PTK2: variants seen among roughly 807,000 people sequenced by gnomAD.
PTK2 encodes protein tyrosine kinase 2.
PTK2 carries 45 observed loss-of-function variants against 150.1 expected under a neutral mutation model. That is an observed-to-expected ratio of 0.30 (90% CI 0.24 to 0.38). The LOEUF (loss-of-function observed/expected upper bound fraction) is 0.38, where lower values mean the gene tolerates loss of function less well. Among genes scored for constraint, PTK2 ranks in the 10% least tolerant of loss-of-function variants. The pLI is 1.00. For missense variants in PTK2, 919 were observed against 1,307.3 expected, an observed-to-expected ratio of 0.70 and a Z score of 4.58; for synonymous variants, 432 against 449.2, an observed-to-expected ratio of 0.96 and a Z score of 0.48.
At chr8:140,734,318 C>T (rs1315688659) in intron 22 of PTK2, among the ~76,000 whole-genome samples, 1 of 152,176 alleles carries the variant, frequency 6.6e-6, no homozygotes. Flanking sequence ...CTTCTCATGC[C>T]TATGTGTTAT....
intron 26 of PTK2, among the ~76,000 whole-genome samples, chr8:140,700,321 C>T (rs2100029469): frequency 6.6e-6 from 1 of 151,978 alleles, no homozygotes; most frequent in Non-Finnish European, 1.5e-5. Flanking sequence ...GTGTGAGCCA[C>T]AATGCCTGGC....
intron 23 of PTK2, 127 bp downstream of exon 26, chr8:140,717,471 G>A (rs2100040373): frequency 1.4e-6 from 1 of 694,820 alleles, no homozygotes; most frequent in Non-Finnish European, 2.5e-6. Flanking sequence ...CAATTAGTTG[G>A]TGTTATAACT....
intron 1 of PTK2, among the ~76,000 whole-genome samples, chr8:140,952,519 G>A (rs1381981513): frequency 3.3e-5 from 5 of 152,060 alleles, no homozygotes; most frequent in Non-Finnish European, 7.4e-5. Context: ...ATAGATTTGG[G>A]GGAGAAAAGA....
intron 7 of PTK2, among the ~76,000 whole-genome samples, chr8:140,840,001 A>G (rs2100121329): frequency 1.3e-5 from 2 of 152,184 alleles, no homozygotes; most frequent in South Asian, 4.1e-4. Flanking sequence ...GAAAAAAACA[A>G]TGAGCAGAAC....
At chr8:140,946,924 T>C (rs1370709726) in intron 1 of PTK2, among the ~76,000 whole-genome samples, 3 of 152,190 alleles carry the variant, frequency 2.0e-5, no homozygotes, top group Admixed American at 6.5e-5. Flanking sequence ...AACCAATCTT[T>C]GACCAATATT....
chr8:140,856,133 C>T lies in PTK2; in HGVS notation c.450+8179G>A, dbSNP rs1440666510. 3.3e-5 allele frequency among the ~76,000 whole-genome samples: 5 copies of T among 152,120 alleles called. No homozygotes were observed. In the East Asian group the frequency reaches 5.8e-4, roughly 18 times the overall value. ...AGAGAAGTGAACATAAAAACCACCA[C>T]GATTCAACCACATACCCACCTAGTC... On this transcript the variant is annotated intron_variant, in intron 5 of 31. Coordinates refer to ENST00000522684, the Ensembl canonical transcript of PTK2.
chr8:140,732,923 G>A (rs1033609979), intron 22 of PTK2, among the ~76,000 whole-genome samples: 3 of 152,168 alleles, frequency 2.0e-5, no homozygotes, highest in Admixed American at 2.0e-4. Context: ...GCTGACAGGA[G>A]GGTTAGTTTA....
chr8:140,998,478 T>C (rs185747577), intron 1 of PTK2, among the ~76,000 whole-genome samples: 6 of 152,168 alleles, frequency 3.9e-5, no homozygotes, highest in Middle Eastern at 3.4e-3. Flanking sequence ...AATAATTTCA[T>C]CTACAGGACC....
At chr8:140,737,393 G>A (rs540652476) in intron 21 of PTK2, among the ~76,000 whole-genome samples, 8 of 152,192 alleles carry the variant, frequency 5.3e-5, no homozygotes, top group South Asian at 2.1e-4. Flanking sequence ...ATGAGCCACC[G>A]TGCCCAGTCT....
chr8:140,863,115 G>C (rs926825248), intron 5 of PTK2, among the ~76,000 whole-genome samples: 2 of 152,000 alleles, frequency 1.3e-5, no homozygotes, highest in Non-Finnish European at 2.9e-5. Flanking sequence ...TCCTTCTTTT[G>C]AATCTAATCC....
chr8:140,776,980 T>C (rs913982669), intron 14 of PTK2, among the ~76,000 whole-genome samples: 5 of 152,304 alleles, frequency 3.3e-5, no homozygotes, highest in Non-Finnish European at 4.4e-5. Context: ...GGAGCAACAC[T>C]GAATCGCAAT....
chr8:140,959,407 C>T (rs959340735), intron 1 of PTK2, among the ~76,000 whole-genome samples: 114 of 151,010 alleles, frequency 7.5e-4, no homozygotes, highest in African/African-American at 2.6e-3. Flanking sequence ...CGCATGGTGG[C>T]GGGTGCCTGT....
intron 7 of PTK2, among the ~76,000 whole-genome samples, chr8:140,844,843 T>G (rs2100124393): frequency 6.6e-6 from 1 of 152,200 alleles, no homozygotes; most frequent in African/African-American, 2.4e-5. Flanking sequence ...CTTTTTCATT[T>G]TAAAAAACAT....
At chr8:140,801,791 A>G (rs2100095177) in intron 11 of PTK2, among the ~76,000 whole-genome samples, 2 of 152,198 alleles carry the variant, frequency 1.3e-5, no homozygotes, top group South Asian at 2.1e-4. Context: ...TATATAGTCA[A>G]TGCACCACAT....
chr8:140,879,579 A>C (rs750277139), exon 4 of PTK2: 13 of 1,606,656 alleles, frequency 8.1e-6, no homozygotes, highest in Non-Finnish European at 1.0e-5. Context: ...ACTGAGGCGG[A>C]ATCCATAGCA....
chr8:140,964,547 A>ATTTTTT (rs1025644210), intron 1 of PTK2, among the ~76,000 whole-genome samples: 2 of 76,816 alleles, frequency 2.6e-5, no homozygotes, highest in Non-Finnish European at 4.7e-5. Context: ...GCCCCAGGTA[A>ATTTTTT]TTTTTTTTTT....
At chr8:140,873,110 A>T (rs887220796) in intron 4 of PTK2, among the ~76,000 whole-genome samples, 1 of 152,266 alleles carries the variant, frequency 6.6e-6, no homozygotes, top group African/African-American at 2.4e-5. Context: ...CTAGAGCTAG[A>T]GTCTCTGAAA....
At position 140,818,370 on chromosome 8, in the gene PTK2, C is replaced by T. The variant is rs772449821; in HGVS notation, c.790-16G>A. On this transcript the variant is annotated splice_polypyrimidine_tract_variant and intron_variant, in intron 9 of 31. Coordinates refer to ENST00000522684, the Ensembl canonical transcript of PTK2. ...TCCAGCTTGACTTTTGAAGGTGAAA[C>T]AAGTGAGAACAGAGGTGGCAGAAGG... is the stretch of plus-strand genomic sequence containing the variant. 2 of 1,602,110 alleles carry T rather than the reference C, an allele frequency of 1.2e-6. No individual in the cohort carries two copies. Among genetic ancestry groups the T allele is most frequent in the Non-Finnish European group, 8.6e-7 (1 of 1,169,164 alleles).
At chr8:140,906,198 T>C (rs889896787) in intron 2 of PTK2, among the ~76,000 whole-genome samples, 28 of 152,082 alleles carry the variant, frequency 1.8e-4, no homozygotes, top group African/African-American at 4.3e-4. Flanking sequence ...ATACCTATTA[T>C]AAAAAAGACA....
Sources: allele counts gnomAD v4.1 joint callset (sites outside exome capture counted in the v4.1 genomes callset), GRCh38; gene constraint gnomAD v4.1.1; transcripts MANE v1.5; gene names NCBI Gene and HGNC (gene_info 2026-07-23, HGNC 2026-07-21).